The following FARP1 variants were observed in gnomAD, a reference collection of about 807,000 sequenced individuals.
FARP1 encodes the protein FERM, ARH/RhoGEF and pleckstrin domain protein 1.
Under a neutral mutation model 128.8 loss-of-function variants are expected in FARP1, and 52 were observed. That is an observed-to-expected ratio of 0.40 (90% CI 0.32 to 0.51). The LOEUF is 0.51. Among genes scored for constraint, FARP1 ranks in the 20% least tolerant of loss-of-function variants. The pLI, the probability that FARP1 is intolerant of heterozygous loss-of-function variation, is 0.45. For missense variants in FARP1, 1,333 were observed against 1,367.9 expected (o/e 0.97, Z 0.40); for synonymous variants, 580 against 551.8 (o/e 1.05, Z -0.72).
chr13:98,288,617 G>A (rs4600321), intron 2 of FARP1, among the ~76,000 whole-genome samples: 1 of 152,014 alleles, frequency 6.6e-6, no homozygotes, highest in African/African-American at 2.4e-5. Context: ...CCAGAAATGC[G>A]GTTTTCTGTC....
chr13:98,396,103 G>C (rs903688549), intron 13 of FARP1: 21 of 399,044 alleles, frequency 5.3e-5, no homozygotes, highest in African/African-American at 3.9e-4. Context: ...TAGCCAGGTA[G>C]CATTTACCCC....
At chr13:98,240,583 A>C (rs563438819) in intron 2 of FARP1, among the ~76,000 whole-genome samples, 1 of 152,356 alleles carries the variant, frequency 6.6e-6, no homozygotes, top group South Asian at 2.1e-4. Flanking sequence ...GGCTTTGGGT[A>C]GAAAAAGAAA....
intron 16 of FARP1, among the ~76,000 whole-genome samples, chr13:98,415,811 A>G (rs1180728627): frequency 1.3e-5 from 2 of 152,386 alleles, no homozygotes; most frequent in Middle Eastern, 3.4e-3. Context: ...CGTTGCCGTG[A>G]TACGGAAGCG....
At chr13:98,305,116 ATATTT>A (rs1286780653) in intron 2 of FARP1, among the ~76,000 whole-genome samples, 3 of 24,488 alleles carry the variant, frequency 1.2e-4, no homozygotes, top group East Asian at 0.01. Flanking sequence ...ATATATATAT[ATATTT>A]TTTAATTTAT....
chr13:98,158,324 C>A (rs1394422669), intron 1 of FARP1, among the ~76,000 whole-genome samples: 1 of 152,186 alleles, frequency 6.6e-6, no homozygotes, highest in Non-Finnish European at 1.5e-5. Context: ...GTAAGACATA[C>A]TTTGGCTACA....
chr13:98,215,894 G>A (rs1443715950), intron 2 of FARP1, among the ~76,000 whole-genome samples: 2 of 151,838 alleles, frequency 1.3e-5, no homozygotes, highest in Non-Finnish European at 2.9e-5. Context: ...GGGTTTAAGC[G>A]ATTCTTCTGC....
chr13:98,295,019 G>GA (rs1301054779), intron 2 of FARP1, among the ~76,000 whole-genome samples: 182 of 110,732 alleles, frequency 1.6e-3, no homozygotes, highest in South Asian at 8.1e-3. Context: ...CTCCGTCTCA[G>GA]AAAAAAAAAA....
In FARP1 at chr13:98,176,648, T is replaced by C; in HGVS notation, c.-24+33156T>C. Reference sequence around the variant, plus strand: ...CAGAAGCCAGTCTCCTTGTAGTCCTTGCAGATGTCAGGCTGGTAATCCCAG... The same window carrying C: ...CAGAAGCCAGTCTCCTTGTAGTCCTCGCAGATGTCAGGCTGGTAATCCCAG... On this transcript the variant is annotated intron_variant, in intron 1 of 26. Coordinates refer to ENST00000319562, the MANE Select transcript of FARP1 (RefSeq NM_005766.4). The surrounding 1 kb of genome is among the most constrained non-coding windows in gnomAD (Gnocchi z 6.2). The C allele has an allele frequency of 6.2e-7, 1 of 1,614,220 alleles. No individual in the cohort carries two copies. The highest frequency in any genetic ancestry group is 1.1e-5 in the South Asian group (1 of 91,080).
At chr13:98,268,501 T>C (rs1402928976) in intron 2 of FARP1, among the ~76,000 whole-genome samples, 1 of 152,172 alleles carries the variant, frequency 6.6e-6, no homozygotes, top group African/African-American at 2.4e-5. Flanking sequence ...GGAGTCTCGC[T>C]CTGTCACCCA....
Position 98,143,474 on chromosome 13 carries a change from A to G in FARP1, c.-42A>G, listed in dbSNP as rs1185410485. ...CCGAGCCGGGAGAGGGAGCCGCCGCAGCCGCCGGCGCTGTGGAGGTAGGAG... is the reference window on the plus strand; with the variant it reads ...CCGAGCCGGGAGAGGGAGCCGCCGCGGCCGCCGGCGCTGTGGAGGTAGGAG... On this transcript the variant is annotated 5_prime_UTR_variant, in exon 1 of 27. Transcript: ENST00000319562. 6.7e-6 allele frequency: 1 copy of G among 150,162 alleles called. No individual in the cohort carries two copies. The highest frequency in any genetic ancestry group is 2.4e-5 in the African/African-American group (1 of 41,152). The allele number at this position is 150,162 out of a possible 1,614,324, so 9.3% of individuals were successfully genotyped here. A position where few individuals can be genotyped will look rare whatever the true frequency, so the allele number is the denominator to read the frequency against.
At chr13:98,344,883 T>G (rs1270951322) in intron 3 of FARP1, among the ~76,000 whole-genome samples, 1 of 152,172 alleles carries the variant, frequency 6.6e-6, no homozygotes, top group Non-Finnish European at 1.5e-5. Context: ...TCCCAGCCCT[T>G]TTTACAGTGT....
At chr13:98,219,052 T>C (rs775539076) in intron 2 of FARP1, among the ~76,000 whole-genome samples, 3 of 152,232 alleles carry the variant, frequency 2.0e-5, no homozygotes, top group Non-Finnish European at 1.5e-5. Context: ...TTTTGAAATG[T>C]AACAGTTCTT....
intron 2 of FARP1, among the ~76,000 whole-genome samples, chr13:98,286,985 G>A (rs1445070974): frequency 2.6e-5 from 4 of 152,000 alleles, no homozygotes; most frequent in Non-Finnish European, 5.9e-5. Flanking sequence ...TGTTTATGTA[G>A]CATCGTACTG....
rs1314716954 is a variant in FARP1, at chr13:98,220,124, C to T, written c.171+6711C>T. On this transcript the variant is annotated intron_variant, in intron 2 of 26. Transcript: ENST00000319562. ...GGTCTTGAGGGGGCGGGGTCTATCT[C>T]TTCTGTAAGTGTAGCGGTTCCGACT... Among the ~76,000 whole-genome samples the T allele has an allele frequency of 4.0e-5, 6 of 151,774 alleles. No homozygotes were observed. The South Asian group carries it at 1.2e-3, about 31-fold the overall frequency.
intron 1 of FARP1, among the ~76,000 whole-genome samples, chr13:98,153,507 A>C: frequency 7.7e-6 from 1 of 129,862 alleles, no homozygotes; most frequent in South Asian, 2.2e-4. Flanking sequence ...AAAAATATGT[A>C]TAAATATATA....
intron 1 of FARP1, among the ~76,000 whole-genome samples, chr13:98,168,875 G>T (rs1035517297): frequency 3.3e-5 from 5 of 152,142 alleles, no homozygotes; most frequent in African/African-American, 9.7e-5. Context: ...GGGCAGGGGG[G>T]ATCAGCTCTC....
intron 17 of FARP1, among the ~76,000 whole-genome samples, chr13:98,428,521 C>T (rs1342740862): frequency 2.0e-5 from 3 of 152,212 alleles, no homozygotes; most frequent in East Asian, 3.8e-4. Context: ...TGGCTGGAGT[C>T]ACTGTTCATA....
chr13:98,284,813 G>A (rs957632532), intron 2 of FARP1, among the ~76,000 whole-genome samples: 4 of 152,082 alleles, frequency 2.6e-5, no homozygotes, highest in Non-Finnish European at 4.4e-5. Context: ...TTAAAACCAG[G>A]CTCTGGAATC....
At chr13:98,184,870 A>G (rs1170123606) in intron 1 of FARP1, among the ~76,000 whole-genome samples, 1 of 152,224 alleles carries the variant, frequency 6.6e-6, no homozygotes, top group East Asian at 1.9e-4. Flanking sequence ...TTTATTGACA[A>G]GATACTTTGA....
Sources: allele counts gnomAD v4.1 joint callset (sites outside exome capture counted in the v4.1 genomes callset), GRCh38; gene constraint gnomAD v4.1.1; non-coding constraint Gnocchi (gnomAD v3.1); transcripts MANE v1.5; gene names NCBI Gene and HGNC (gene_info 2026-07-23, HGNC 2026-07-21).